ZNF700: variants seen among roughly 807,000 people sequenced by gnomAD.
The protein encoded by ZNF700 is zinc finger protein 700.
Under a neutral mutation model 65.3 loss-of-function variants are expected in ZNF700, and 38 were observed. The ratio of observed to expected loss-of-function variants is 0.58; its 90% CI spans 0.45 to 0.76. The LOEUF is 0.76. Ranked by LOEUF, ZNF700 falls within the 30% of genes least tolerant of loss-of-function variation. The pLI, the probability that ZNF700 is intolerant of heterozygous loss-of-function variation, is 0.00. For missense variants in ZNF700, 857 were observed against 888.4 expected (o/e 0.96, Z 0.45); for synonymous variants, 285 against 290.4 (o/e 0.98, Z 0.19).
intron 1 of ZNF700, among the ~76,000 whole-genome samples, chr19:11,929,791 A>G (rs962187372): frequency 2.0e-5 from 3 of 148,136 alleles, no homozygotes; most frequent in Middle Eastern, 3.4e-3. Context: ...TTGCAGTGAA[A>G]TCTGTTTCTG....
chr19:11,945,394 G>A (rs1255539282), intron 1 of ZNF700, among the ~76,000 whole-genome samples: 2 of 152,188 alleles, frequency 1.3e-5, no homozygotes, highest in Non-Finnish European at 2.9e-5. Flanking sequence ...CCAAGCACAA[G>A]TCCTGTACTG....
In ZNF700 at chr19:11,949,942, A is replaced by T. The variant is rs755202572; in HGVS notation, c.1918A>T (p.Arg640Trp). 3 of 1,614,152 alleles carry T rather than the reference A, an allele frequency of 1.9e-6. No individual in the cohort carries two copies. In the South Asian group the frequency reaches 3.3e-5, roughly 18 times the overall value. ...RSASNLQMHE[R>W]THTGEKPYEC... ...TGCCTCAAACCTTCAGATGCATGAA[A>T]GGACTCACACTGGAGAGAAACCCTA... Residue 640 changes from arginine to tryptophan, a missense_variant, in exon 4 of 4, where the codon AGG (arginine) becomes TGG (tryptophan). By Grantham distance (101) the Arg-to-Trp change is moderately radical. This residue lies in a region of ZNF700 where 251 missense variants were observed against 250.3 expected (regional missense o/e 1.00). Coordinates refer to ENST00000254321, the MANE Select transcript of ZNF700 (RefSeq NM_144566.3).
chr19:11,949,055 C>T lies in ZNF700; in HGVS notation c.1031C>T (p.Ser344Phe). The change falls in exon 4 of 4, where the codon TCC becomes TTC. Residue 344 changes from serine (S) to phenylalanine (F), a missense_variant. Transcript: ENST00000254321. The stretch of plus-strand genomic sequence containing the variant: ...TGTAAGCAATATGGGGAAGGCTTAT[C>T]CTATCTTATAAGTTTTCAAACACAC... ...YECKQYGEGLSYLISFQTHIR... is the reference protein window; with the variant it reads ...YECKQYGEGLFYLISFQTHIR... The T allele has an allele frequency of 6.2e-7, 1 of 1,608,748 alleles. No homozygotes were observed. Among genetic ancestry groups the T allele is most frequent in the Non-Finnish European group, 8.5e-7 (1 of 1,178,946 alleles).
intron 1 of ZNF700, among the ~76,000 whole-genome samples, chr19:11,938,130 A>T (rs1183486469): frequency 6.6e-6 from 1 of 151,342 alleles, no homozygotes; most frequent in Non-Finnish European, 1.5e-5. Context: ...GTGCAGTGGC[A>T]TGATCTTGGC....
In ZNF700 at chr19:11,949,541, G is replaced by A. The variant is rs541713428; in HGVS notation, c.1517G>A (p.Arg506Lys). The A allele has an allele frequency of 6.2e-7, 1 of 1,610,128 alleles. No homozygotes were observed. Among genetic ancestry groups the A allele is most frequent in the South Asian group, 1.1e-5 (1 of 90,542 alleles). Reference sequence around the variant, plus strand: ...CACATAAGAATGCCCTCTGGAGAAAGACCTTATAAATGTAGTATATGTGAG... The same window carrying A: ...CACATAAGAATGCCCTCTGGAGAAAAACCTTATAAATGTAGTATATGTGAG... ...EKHIRMPSGERPYKCSICEKG... is the reference protein window; with the variant it reads ...EKHIRMPSGEKPYKCSICEKG... Residue 506 changes from arginine (R) to lysine (K), a missense_variant, in exon 4 of 4, where the codon AGA (arginine) becomes AAA (lysine). Physicochemically the swap from Arg to Lys is conservative, Grantham distance 26. This residue lies in a region of ZNF700 where 603 missense variants were observed against 619.9 expected (regional missense o/e 0.97). Coordinates refer to ENST00000254321, the MANE Select transcript of ZNF700 (RefSeq NM_144566.3).
rs1255552793 is a variant in ZNF700, at chr19:11,948,980, GT to G, written c.958del (p.Ser320LeufsTer28). On this transcript the variant is annotated frameshift_variant, in exon 4 of 4. Transcript: ENST00000254321. LOFTEE classifies it high-confidence loss of function. ...KECGKAFAYT[S>X]SLRRHERTHS... ...TGTGGAAAAGCATTTGCATATACCA[GT>G]TCTCTTCGTAGACATGAAAGGACCC... The G allele has an allele frequency of 6.2e-7, 1 of 1,607,940 alleles. No individual in the cohort carries two copies. The highest frequency in any genetic ancestry group is 8.5e-7 in the Non-Finnish European group (1 of 1,178,808).
intron 1 of ZNF700, chr19:11,946,725 T>C (rs1316357050): frequency 1.3e-5 from 2 of 153,326 alleles, no homozygotes; most frequent in Non-Finnish European, 2.9e-5. Flanking sequence ...CTCCATAGTC[T>C]CCCTTAAATC....
chr19:11,927,711 G>A (rs1447631931), intron 1 of ZNF700, among the ~76,000 whole-genome samples: 3 of 152,102 alleles, frequency 2.0e-5, no homozygotes, highest in Non-Finnish European at 4.4e-5. Context: ...TAATTATCTT[G>A]AAAGCACATA....
chr19:11,947,095 A>C (rs1242745846), intron 1 of ZNF700, 86 bp from the exon 2 acceptor site: 2 of 1,541,898 alleles, frequency 1.3e-6, no homozygotes, highest in Non-Finnish European at 1.7e-6. Flanking sequence ...AGTCCACAGC[A>C]TCCTGAGAAC....
chr19:11,929,436 T>C (rs1327257102), intron 1 of ZNF700, among the ~76,000 whole-genome samples: 1 of 148,570 alleles, frequency 6.7e-6, no homozygotes. Context: ...ATGGTGGGAT[T>C]ACGGGTGTGA....
intron 1 of ZNF700, among the ~76,000 whole-genome samples, chr19:11,945,682 G>T (rs1368582492): frequency 2.0e-5 from 3 of 152,078 alleles, no homozygotes; most frequent in African/African-American, 7.2e-5. Context: ...CTTATCTCTT[G>T]ACCTGGCTCG....
chr19:11,944,972 A>G (rs1284875925), intron 1 of ZNF700, among the ~76,000 whole-genome samples: 1 of 152,192 alleles, frequency 6.6e-6, no homozygotes, highest in Non-Finnish European at 1.5e-5. Context: ...TCCTTCTTCC[A>G]TCACCTGTCC....
chr19:11,940,674 C>T (rs1180885168), intron 1 of ZNF700, among the ~76,000 whole-genome samples: 5 of 152,094 alleles, frequency 3.3e-5, no homozygotes, highest in African/African-American at 7.2e-5. Flanking sequence ...GAAGGGGACC[C>T]GAGTGGGTTG....
intron 1 of ZNF700, 126 bp from the exon 2 acceptor site, chr19:11,947,055 T>G: frequency 7.0e-7 from 1 of 1,430,990 alleles, no homozygotes; most frequent in African/African-American, 1.5e-5. Context: ...GAAAGGGATC[T>G]GATAACCGAA....
In ZNF700 at chr19:11,937,490, C is replaced by CTTTTTTTTTTT. The variant is rs1053539594; in HGVS notation, c.64-9685_64-9675dup. On this transcript the variant is annotated intron_variant, in intron 1 of 3. Coordinates refer to ENST00000254321, the MANE Select transcript of ZNF700 (RefSeq NM_144566.3). ...TAGTAGATTTTTCTTTTTTTCTTTC[C>CTTTTTTTTTTT]TTTTTTTTTTTTTTTTGAGACAGAG... is the stretch of plus-strand genomic sequence containing the variant. Among the ~76,000 whole-genome samples, 2 of 129,012 alleles carry CTTTTTTTTTTT rather than the reference C, an allele frequency of 1.6e-5. 1 individual carries two copies. 84.6% of individuals were successfully genotyped at this position (129,012 alleles called of 152,430 possible).
intron 1 of ZNF700, among the ~76,000 whole-genome samples, chr19:11,944,299 T>C (rs1337479843): frequency 2.7e-5 from 4 of 150,036 alleles, no homozygotes; most frequent in African/African-American, 1.0e-4. Context: ...TATCCTGTTT[T>C]TCTAGAAGGG....
chr19:11,925,226 C>A lies in ZNF700; in HGVS notation c.16C>A (p.His6Asn). Residue 6 changes from histidine (H) to asparagine (N), a missense_variant, in exon 1 of 4, where the codon CAC (histidine) becomes AAC (asparagine). Physicochemically the swap from His to Asn is moderately conservative, Grantham distance 68 (BLOSUM62 1). Transcript: ENST00000254321. MPCCS[H>N]RSCREDPGTS... ...CGCCTGCGCTATGCCCTGCTGTAGT[C>A]ACAGGAGCTGTAGAGAGGACCCCGG... 1 of 1,613,072 alleles carries A rather than the reference C, an allele frequency of 6.2e-7. No individual in the cohort carries two copies. The highest frequency in any genetic ancestry group is 8.5e-7 in the Non-Finnish European group (1 of 1,179,308).
intron 1 of ZNF700, among the ~76,000 whole-genome samples, chr19:11,941,610 C>T (rs1033363186): frequency 6.6e-6 from 1 of 152,210 alleles, no homozygotes; most frequent in Non-Finnish European, 1.5e-5. Flanking sequence ...GCCAAGCCCA[C>T]GCCCACCCAG....
rs146711974 is a variant in ZNF700, at chr19:11,948,515, A to G, written c.491A>G (p.Tyr164Cys). ...YEYQEYGPKPYKCQQPKNKKA... is the reference protein window; with the variant it reads ...YEYQEYGPKPCKCQQPKNKKA... ...TATCAGGAATATGGACCAAAGCCAT[A>G]TAAGTGTCAACAACCTAAAAATAAG... Residue 164 changes from tyrosine to cysteine, a missense_variant, in exon 4 of 4, where the codon TAT (tyrosine) becomes TGT (cysteine). Coordinates refer to ENST00000254321, the MANE Select transcript of ZNF700 (RefSeq NM_144566.3). 34 of 1,612,802 alleles carry G rather than the reference A, an allele frequency of 2.1e-5. No individual in the cohort carries two copies. Among genetic ancestry groups the G allele is most frequent in the South Asian group, 1.2e-4 (11 of 90,626 alleles).
Sources: gnomAD v4.1 joint callset for allele counts (sites outside exome capture counted in the v4.1 genomes callset) on GRCh38, gnomAD v4.1.1 for gene constraint, gnomAD v4.1.1 regional missense constraint, MANE v1.5 for transcripts, NCBI Gene and HGNC (gene_info 2026-07-23, HGNC 2026-07-21) for gene names.